GOSR2: variants seen among roughly 807,000 people sequenced by gnomAD.
GOSR2 encodes golgi SNAP receptor complex member 2.
A neutral mutation model predicts 27.9 loss-of-function variants in GOSR2; 20 were observed. The observed-to-expected ratio is 0.72, with a 90% CI of 0.50 to 1.04. GOSR2 has a LOEUF of 1.04. Ranked by LOEUF, GOSR2 falls within the 50% of genes least tolerant of loss-of-function variation. The probability of loss-of-function intolerance (pLI) is 0.00; values close to 1 mark genes in which losing one functional copy is unlikely to be tolerated. For missense variants in GOSR2, 261 were observed against 270.5 expected (o/e 0.97, Z 0.25); for synonymous variants, 91 against 98.8 (o/e 0.92, Z 0.47).
intron 1 of GOSR2, among the ~76,000 whole-genome samples, chr17:46,926,716 C>T (rs1350612278): frequency 2.0e-5 from 3 of 152,170 alleles, no homozygotes; most frequent in East Asian, 1.9e-4. Flanking sequence ...TTCATACTTG[C>T]TTTGTTGTTT....
At chr17:46,947,468 GAT>G (rs2089999932) in intron 6 of GOSR2, among the ~76,000 whole-genome samples, 1 of 152,212 alleles carries the variant, frequency 6.6e-6, no homozygotes, top group Non-Finnish European at 1.5e-5. Flanking sequence ...ATGCTGCTGA[GAT>G]ACTGATGAGA....
chr17:46,974,244 G>T (rs918236908), intron 6 of GOSR2, among the ~76,000 whole-genome samples: 2 of 152,242 alleles, frequency 1.3e-5, no homozygotes, highest in Non-Finnish European at 2.9e-5. Context: ...GCGCTGGCCA[G>T]GGCCAGACGC....
intron 5 of GOSR2, chr17:46,936,303 G>C (rs1185861918): frequency 1.0e-6 from 1 of 985,196 alleles, no homozygotes; most frequent in Non-Finnish European, 1.2e-6. Flanking sequence ...ATGTCACACT[G>C]ATGAAGAGCC....
chr17:46,931,275 G>A (rs1472853598), intron 3 of GOSR2, 68 bp downstream of exon 3: 6 of 829,534 alleles, frequency 7.2e-6, no homozygotes, highest in African/African-American at 3.3e-5. Flanking sequence ...CTCCCTGGGG[G>A]AGGTGATAGA....
chr17:46,931,254 G>T, intron 3 of GOSR2, 47 bp downstream of exon 3: 1 of 914,644 alleles, frequency 1.1e-6, no homozygotes, highest in Non-Finnish European at 1.8e-6. Context: ...GGCCCATCAA[G>T]ACAGGCTTTT....
chr17:46,941,112 G>T lies in GOSR2; in HGVS notation c.*2352G>T, dbSNP rs2089218521. On this transcript the variant is annotated 3_prime_UTR_variant, in exon 6 of 6. Transcript: ENST00000640051. ...GGTGTGCCTATTGTGATTTAAAACA[G>T]GTGGGTTATCAAGAGGAACTTGAGA... The T allele has an allele frequency of 2.0e-6, 2 of 1,021,088 alleles. No homozygotes were observed. The highest frequency in any genetic ancestry group is 2.4e-6 in the Non-Finnish European group (2 of 850,132). 63.3% of individuals were successfully genotyped at this position (1,021,088 alleles called of 1,614,324 possible).
At chr17:46,951,027 C>T (rs138199809) in intron 6 of GOSR2, among the ~76,000 whole-genome samples, 72 of 152,342 alleles carry the variant, frequency 4.7e-4, no homozygotes, top group African/African-American at 1.7e-3. Context: ...CCCAACTACA[C>T]GCCCATGGCC....
chr17:46,933,036 A>T (rs1471424963), intron 4 of GOSR2: 2 of 152,404 alleles, frequency 1.3e-5, no homozygotes, highest in South Asian at 2.1e-4. Context: ...CTGTGCCAAC[A>T]TAGTTTTTGC....
At chr17:46,955,082 CT>C in intron 6 of GOSR2, among the ~76,000 whole-genome samples, 1 of 152,148 alleles carries the variant, frequency 6.6e-6, no homozygotes, top group Non-Finnish European at 1.5e-5. Flanking sequence ...GCGGGCATCC[CT>C]GTCTTGTGCC....
Position 46,939,482 on chromosome 17 carries a change from T to A in GOSR2, c.*722T>A. The stretch of plus-strand genomic sequence containing the variant: ...GTCACTGATTTTTTCTAGTTGTTAA[T>A]AGAGTGGTTGGCTTTTAAGGTTCAG... On this transcript the variant is annotated 3_prime_UTR_variant, in exon 6 of 6. Transcript: ENST00000640051. 1 of 986,698 alleles carries A rather than the reference T, an allele frequency of 1.0e-6. No homozygotes were observed. The highest frequency in any genetic ancestry group is 1.2e-6 in the Non-Finnish European group (1 of 830,796). The allele number at this position is 986,698 out of a possible 1,614,324, so 61.1% of individuals were successfully genotyped here. A position where few individuals can be genotyped will look rare whatever the true frequency, so the allele number is the denominator to read the frequency against.
chr17:46,969,344 G>A (rs1367256382), downstream of GOSR2, among the ~76,000 whole-genome samples: 3 of 152,222 alleles, frequency 2.0e-5, no homozygotes, highest in Admixed American at 1.3e-4. Context: ...GAGGCTGGCT[G>A]GTGTCAGCAG....
intron 2 of GOSR2, 110 bp from the exon 3 acceptor site, chr17:46,930,989 A>G: frequency 2.8e-6 from 2 of 709,710 alleles, no homozygotes; most frequent in Non-Finnish European, 5.1e-6. Context: ...TCCTTTTGAA[A>G]TATGTAGTTC....
Position 46,958,236 on chromosome 17 carries a change from G to A in GOSR2, c.584-8298G>A, listed in dbSNP as rs2090845900. The stretch of plus-strand genomic sequence containing the variant: ...CTTGGAGGGCAGGGAAAGAAGTGGA[G>A]CCGTCAACCTTCACATTTTACAGGC... On this transcript the variant is annotated intron_variant, in intron 6 of 6. Transcript: ENST00000573224. Among the ~76,000 whole-genome samples the A allele has an allele frequency of 2.6e-5, 4 of 152,180 alleles. No homozygotes were observed. The South Asian group carries it at 8.3e-4, about 31-fold the overall frequency.
downstream of GOSR2, among the ~76,000 whole-genome samples, chr17:46,967,761 A>C (rs1454164168): frequency 6.6e-6 from 1 of 152,130 alleles, no homozygotes; most frequent in African/African-American, 2.4e-5. Context: ...TACTGGAGAG[A>C]AGCAACATGG....
intron 6 of GOSR2, among the ~76,000 whole-genome samples, chr17:46,973,543 A>G (rs2091414458): frequency 6.6e-6 from 1 of 152,092 alleles, no homozygotes; most frequent in African/African-American, 2.4e-5. Flanking sequence ...ACTGGAGTGC[A>G]CTTATCATGG....
chr17:46,923,593 C>G, intron 1 of GOSR2: 1 of 1,292,562 alleles, frequency 7.7e-7, no homozygotes, highest in South Asian at 2.9e-5. Flanking sequence ...GAGACACGGC[C>G]CCTGGCCGTA....
In GOSR2 at chr17:46,940,737, C is replaced by A; in HGVS notation, c.*1977C>A. Reference sequence around the variant, plus strand: ...CTTGACAGTGGTTGGCTTTGATGAACCCTCATGCTGCACCTTCAGAGCCAG... The same window carrying A: ...CTTGACAGTGGTTGGCTTTGATGAAACCTCATGCTGCACCTTCAGAGCCAG... On this transcript the variant is annotated 3_prime_UTR_variant, in exon 6 of 6. Transcript: ENST00000640051. The A allele has an allele frequency of 6.3e-7, 1 of 1,583,076 alleles. No individual in the cohort carries two copies.
chr17:46,935,702 G>C, intron 5 of GOSR2: 2 of 988,354 alleles, frequency 2.0e-6, no homozygotes, highest in Non-Finnish European at 2.4e-6. Context: ...CCGTGCTGGT[G>C]ATCCCAGCGA....
chr17:46,952,421 C>G (rs1376083521), intron 6 of GOSR2, among the ~76,000 whole-genome samples: 6 of 152,196 alleles, frequency 3.9e-5, no homozygotes, highest in Admixed American at 3.9e-4. Context: ...CATTCCTCCC[C>G]TATTCTCACT....
Sources: allele counts gnomAD v4.1 joint callset (sites outside exome capture counted in the v4.1 genomes callset), GRCh38; gene constraint gnomAD v4.1.1; transcripts MANE v1.5; gene names NCBI Gene and HGNC (gene_info 2026-07-23, HGNC 2026-07-21).